Variants in PLOD2 observed in about 807,000 individuals in gnomAD.
The protein encoded by PLOD2 is procollagen-lysine,2-oxoglutarate 5-dioxygenase 2.
In PLOD2, 65 loss-of-function variants were observed where a neutral mutation model predicts 101.0. The observed-to-expected ratio is 0.64, with a 90% confidence interval of 0.53 to 0.79. PLOD2 has a LOEUF of 0.79. Among genes scored for constraint, PLOD2 ranks in the 30% least tolerant of loss-of-function variants. The pLI is 0.00. For synonymous variants in PLOD2, 314 were observed against 302.9 expected (o/e 1.04, Z -0.38); for missense variants, 909 against 914.6 (o/e 0.99, Z 0.08).
At chr3:146,086,079 A>C (rs946502910) in intron 10 of PLOD2, 1 of 152,214 alleles carries the variant, frequency 6.6e-6, no homozygotes, top group Non-Finnish European at 1.5e-5. Flanking sequence ...GGTTTTTCAG[A>C]GGCCTCTTTT....
At chr3:146,107,450 T>G (rs1937554334) in intron 4 of PLOD2, among the ~76,000 whole-genome samples, 1 of 152,154 alleles carries the variant, frequency 6.6e-6, no homozygotes, top group African/African-American at 2.4e-5. Flanking sequence ...GAACCAATGT[T>G]ACTCCTGTGA....
chr3:146,078,455 C>A (rs1366220607), intron 13 of PLOD2, among the ~76,000 whole-genome samples: 1 of 151,836 alleles, frequency 6.6e-6, no homozygotes, highest in Admixed American at 6.6e-5. Context: ...ATAGCCCCAT[C>A]ATTTCTAAAA....
intron 12 of PLOD2, among the ~76,000 whole-genome samples, chr3:146,080,726 T>C (rs923139731): frequency 5.9e-5 from 9 of 152,168 alleles, no homozygotes; most frequent in African/African-American, 1.7e-4. Flanking sequence ...TGCCCAAAGA[T>C]ACAATCAGGT....
chr3:146,077,163 T>C (rs1936376885), intron 14 of PLOD2: 11 of 1,079,124 alleles, frequency 1.0e-5, no homozygotes, highest in African/African-American at 1.7e-5. Context: ...TTCTCATTGA[T>C]CCTAGATGTA....
Position 146,121,164 on chromosome 3 carries a change from C to T in PLOD2, c.286G>A (p.Val96Ile). The T allele has an allele frequency of 6.2e-7, 1 of 1,609,034 alleles. No individual in the cohort carries two copies. Among genetic ancestry groups the T allele is most frequent in the East Asian group, 2.2e-5 (1 of 44,816 alleles). ...TCTTGATCAGCATAGTGTTCCATGA[C>T]TTCTTTCATTAATCTCACTTTCTGG... ...GGQKVRLMKE[V>I]MEHYADQDDL... Residue 96 changes from valine to isoleucine, a missense_variant, in exon 3 of 20, where the codon GTC becomes ATC. Val to Ile is a conservative substitution (Grantham distance 29). Coordinates refer to ENST00000282903, the MANE Select transcript of PLOD2 (RefSeq NM_182943.3).
intron 3 of PLOD2, among the ~76,000 whole-genome samples, chr3:146,120,219 AT>A (rs2029999997): frequency 1.3e-5 from 2 of 152,050 alleles, no homozygotes; most frequent in South Asian, 4.1e-4. Flanking sequence ...TTTCATGTGT[AT>A]TTTGGCTGCA....
intron 7 of PLOD2, among the ~76,000 whole-genome samples, chr3:146,095,938 C>A (rs1338364800): frequency 7.8e-6 from 1 of 127,640 alleles, no homozygotes; most frequent in South Asian, 2.9e-4. Flanking sequence ...TGATGCCGAG[C>A]CAAAGCTGGA....
chr3:146,134,182 G>A (rs1218649761), intron 1 of PLOD2, among the ~76,000 whole-genome samples: 1 of 152,132 alleles, frequency 6.6e-6, no homozygotes, highest in Non-Finnish European at 1.5e-5. Context: ...TGGAAATAGA[G>A]AAGGGAATTA....
chr3:146,156,917 A>G (rs1221031638), intron 1 of PLOD2, among the ~76,000 whole-genome samples: 1 of 152,226 alleles, frequency 6.6e-6, no homozygotes, highest in Admixed American at 6.5e-5. Flanking sequence ...TTCACCACCA[A>G]TAAAAAAAAT....
At chr3:146,148,564 T>C (rs983552719) in intron 1 of PLOD2, among the ~76,000 whole-genome samples, 10 of 152,206 alleles carry the variant, frequency 6.6e-5, no homozygotes, top group African/African-American at 2.2e-4. Flanking sequence ...AACACTCCTC[T>C]GTACTGTTTC....
chr3:146,103,826 T>TACACACAC (rs3059069), intron 6 of PLOD2, among the ~76,000 whole-genome samples: 15 of 146,506 alleles, frequency 1.0e-4, no homozygotes, highest in African/African-American at 3.0e-4. Context: ...CACGAGCATG[T>TACACACAC]ACACACACAC....
rs565918046 is a variant in PLOD2, at chr3:146,077,038, G to A, written c.1564-143C>T. 699 of 1,293,812 alleles carry A rather than the reference G, an allele frequency of 5.4e-4. 13 individuals are homozygous for A. The South Asian group carries it at 0.013, about 24-fold the overall frequency. 80.1% of individuals were successfully genotyped at this position (1,293,812 alleles called of 1,614,324 possible). On this transcript the variant is annotated intron_variant, in intron 14 of 19. Transcript: ENST00000282903. Reference sequence around the variant, plus strand: ...CATTTTTAGTATTCATATAAAATGTGCATAGTTTAAAATAAAAAACTCAAA... The same window carrying A: ...CATTTTTAGTATTCATATAAAATGTACATAGTTTAAAATAAAAAACTCAAA...
rs376497013 is a variant in PLOD2 at position 146,073,327 on chromosome 3, C to T, written c.1703G>A (p.Arg568His). 19 of 1,224,060 alleles carry T rather than the reference C, an allele frequency of 1.6e-5. No individual in the cohort carries two copies. The highest frequency in any genetic ancestry group is 1.9e-4 in the Middle Eastern group (1 of 5,138). 75.8% of individuals were successfully genotyped at this position (1,224,060 alleles called of 1,614,324 possible). The change falls in exon 16 of 20, where the codon CGT becomes CAT. Residue 568 changes from arginine (R) to histidine (H), a missense_variant. Coordinates refer to ENST00000282903, the MANE Select transcript of PLOD2 (RefSeq NM_182943.3). Reference protein sequence around the residue: ...PVDWKEKYINRDYSKIFTENI... With the variant: ...PVDWKEKYINHDYSKIFTENI... ...TTCAGTGAAAATCTTTGAATAATCA[C>T]GGTTTATATACTTTTCCTTCCAGTC...
chr3:146,126,544 A>G (rs982488992), intron 1 of PLOD2, among the ~76,000 whole-genome samples: 1 of 152,216 alleles, frequency 6.6e-6, no homozygotes, highest in Admixed American at 6.5e-5. Context: ...TGGTGACAGG[A>G]AAGAGATGTC....
At position 146,158,233 on chromosome 3, in the gene PLOD2, G is replaced by A. The variant is rs551040897; in HGVS notation, c.109+2648C>T. ...CTGATTTACTGGCACTGATTAAGAA[G>A]GTTCTGCCTCTGAAAGCTCCCATAA... On this transcript the variant is annotated intron_variant, in intron 1 of 19. Transcript: ENST00000282903. 7.2e-5 allele frequency among the ~76,000 whole-genome samples: 11 copies of A among 152,170 alleles called. No individual in the cohort carries two copies. In the South Asian group the frequency reaches 2.3e-3, roughly 32 times the overall value.
At chr3:146,080,511 T>TACAC (rs113587025) in intron 12 of PLOD2, among the ~76,000 whole-genome samples, 111 of 150,576 alleles carry the variant, frequency 7.4e-4, no homozygotes, top group African/African-American at 2.2e-3. Context: ...TTTCAACTTA[T>TACAC]ACACACACAC....
At chr3:146,080,734 G>C (rs1463602096) in intron 12 of PLOD2, among the ~76,000 whole-genome samples, 1 of 152,008 alleles carries the variant, frequency 6.6e-6, no homozygotes, top group Non-Finnish European at 1.5e-5. Flanking sequence ...GATACAATCA[G>C]GTATATTGTC....
chr3:146,154,273 A>C (rs2108146250), intron 1 of PLOD2, among the ~76,000 whole-genome samples: 1 of 152,312 alleles, frequency 6.6e-6, no homozygotes, highest in East Asian at 1.9e-4. Context: ...CAAACTTGAA[A>C]TACGGTTTTT....
At chr3:146,103,379 T>TA (rs1377484663) in intron 6 of PLOD2, among the ~76,000 whole-genome samples, 7 of 152,014 alleles carry the variant, frequency 4.6e-5, no homozygotes, top group Admixed American at 4.6e-4. Flanking sequence ...TTAAGCAAGA[T>TA]AAAACTCAAG....
Sources: allele counts gnomAD v4.1 joint callset (sites outside exome capture counted in the v4.1 genomes callset), GRCh38; gene constraint gnomAD v4.1.1; transcripts MANE v1.5; gene names NCBI Gene and HGNC (gene_info 2026-07-23, HGNC 2026-07-21).